Variants in ITGAM observed in about 807,000 individuals in gnomAD.
The protein encoded by ITGAM is integrin alpha-M.
Under a neutral mutation model 137.5 loss-of-function variants are expected in ITGAM, and 79 were observed. The ratio of observed to expected loss-of-function variants is 0.57; its 90% confidence interval spans 0.48 to 0.69. ITGAM has a LOEUF of 0.69. Ranked by LOEUF, ITGAM falls within the 30% of genes least tolerant of loss-of-function variation. The probability of loss-of-function intolerance (pLI) is 0.00; values close to 1 mark genes in which losing one functional copy is unlikely to be tolerated. For synonymous variants in ITGAM, 583 were observed against 592.3 expected, an observed-to-expected ratio of 0.98 and a Z score of 0.23; for missense variants, 1,343 against 1,483.5, an observed-to-expected ratio of 0.91 and a Z score of 1.56.
chr16:31,273,490 G>T lies in ITGAM; in HGVS notation c.830G>T (p.Arg277Ile). 1 of 1,613,790 alleles carries T rather than the reference G, an allele frequency of 6.2e-7. No individual in the cohort carries two copies. ...GYEDVIPEAD[R>I]EGVIRYVIGV... is the part of the protein sequence containing the mutation. ...GAGGATGTCATCCCTGAGGCAGACA[G>T]AGAGGGAGTCATTCGCTACGTCATT... The change falls in exon 8 of 30, where the codon AGA becomes ATA. Residue 277 changes from arginine to isoleucine, a missense_variant. Arg to Ile is a moderately conservative substitution (Grantham distance 97). Coordinates refer to ENST00000544665, the MANE Select transcript of ITGAM (RefSeq NM_000632.4).
At chr16:31,329,935 G>T (rs771287151) in intron 25 of ITGAM, 30 bp downstream of exon 25, 4 of 1,543,960 alleles carry the variant, frequency 2.6e-6, no homozygotes, top group East Asian at 2.4e-5. Flanking sequence ...ACTCCTGCAC[G>T]GCCCTGCGCG....
At chr16:31,270,430 T>C (rs7499192) in intron 5 of ITGAM, among the ~76,000 whole-genome samples, 110,360 of 151,478 alleles carry the variant, frequency 0.73, 41,385 homozygotes, top group African/African-American at 0.91. Flanking sequence ...TCTTCAAGAT[T>C]CAGTCAAACA....
At chr16:31,265,681 C>T in intron 3 of ITGAM, 130 bp from the exon 4 acceptor site, 2 of 843,980 alleles carry the variant, frequency 2.4e-6, no homozygotes, top group Non-Finnish European at 3.7e-6. Flanking sequence ...TCCTTTCTTT[C>T]CCAAGATTTA....
chr16:31,284,531 C>T (rs979837944), intron 12 of ITGAM, among the ~76,000 whole-genome samples: 14 of 152,148 alleles, frequency 9.2e-5, no homozygotes, highest in South Asian at 2.1e-4. Flanking sequence ...GAGCCAGACG[C>T]GGGATATAAT....
At chr16:31,302,327 C>T (rs1287360496) in intron 14 of ITGAM, among the ~76,000 whole-genome samples, 1 of 152,150 alleles carries the variant, frequency 6.6e-6, no homozygotes, top group Non-Finnish European at 1.5e-5. Context: ...CAATCTAGTG[C>T]TGTGAGGGCA....
At chr16:31,326,975 C>G (rs1212790240) in intron 22 of ITGAM, 40 bp downstream of exon 22, 1 of 1,459,666 alleles carries the variant, frequency 6.9e-7, no homozygotes. Flanking sequence ...AGTTGCCCGT[C>G]TGACGCCCCA....
chr16:31,324,144 TAGGAAAGGA>T lies in ITGAM; in HGVS notation c.2003-243_2003-235del, dbSNP rs1319147354. Among the ~76,000 whole-genome samples the T allele has an allele frequency of 2.8e-5, 2 of 71,844 alleles. No homozygotes were observed. The highest frequency in any genetic ancestry group is 5.6e-5 in the Non-Finnish European group (2 of 35,858). 47.1% of individuals were successfully genotyped at this position (71,844 alleles called of 152,430 possible). On this transcript the variant is annotated intron_variant, in intron 16 of 29. Coordinates refer to ENST00000544665, the MANE Select transcript of ITGAM (RefSeq NM_000632.4). This position sits in a 1 kb window ranked among gnomAD's most constrained non-coding sequence, Gnocchi z 4.5. Reference sequence around the variant, plus strand: ...AGGGAAGGAAGGAAAGGAAGGAAAGTAGGAAAGGAAGGAAAGGAAGAAAAGGAAGGAAGG... The same window carrying T: ...AGGGAAGGAAGGAAAGGAAGGAAAGTAGGAAAGGAAGAAAAGGAAGGAAGG...
intron 16 of ITGAM, among the ~76,000 whole-genome samples, chr16:31,323,779 G>A (rs766294772): frequency 4.6e-5 from 7 of 151,970 alleles, no homozygotes; most frequent in African/African-American, 1.2e-4. Flanking sequence ...TAATCCTAGC[G>A]CTTTGGGAGG....
At chr16:31,318,765 T>C (rs1351154272) in intron 14 of ITGAM, among the ~76,000 whole-genome samples, 2 of 152,234 alleles carry the variant, frequency 1.3e-5, no homozygotes, top group African/African-American at 4.8e-5. Flanking sequence ...ACTTTAGGTT[T>C]AGTTTGTTCT....
chr16:31,283,626 T>G (rs1289071842), intron 12 of ITGAM, among the ~76,000 whole-genome samples: 1 of 152,224 alleles, frequency 6.6e-6, no homozygotes, highest in African/African-American at 2.4e-5. Flanking sequence ...TCGTCTAATC[T>G]TTTTACAAGG....
At chr16:31,299,692 C>T (rs949745166) in intron 14 of ITGAM, among the ~76,000 whole-genome samples, 5 of 152,132 alleles carry the variant, frequency 3.3e-5, no homozygotes, top group Non-Finnish European at 5.9e-5. Context: ...CTTAGAATAA[C>T]GTCCTCCAGG....
chr16:31,282,903 G>A (rs2079985456), intron 12 of ITGAM, among the ~76,000 whole-genome samples: 2 of 152,128 alleles, frequency 1.3e-5, no homozygotes, highest in African/African-American at 2.4e-5. Flanking sequence ...AGCTCTTTTA[G>A]GGCAGGCCTG....
At chr16:31,295,914 A>C (rs932131953) in intron 12 of ITGAM, among the ~76,000 whole-genome samples, 4 of 151,640 alleles carry the variant, frequency 2.6e-5, no homozygotes, top group Non-Finnish European at 4.4e-5. Flanking sequence ...ATTTATTGAG[A>C]GTTTTTATTA....
chr16:31,284,840 G>A (rs558562952), intron 12 of ITGAM, among the ~76,000 whole-genome samples: 440 of 152,008 alleles, frequency 2.9e-3, no homozygotes, highest in African/African-American at 0.01. Context: ...GTTCCTATTC[G>A]GCCATCTTGG....
chr16:31,288,386 A>G (rs904810422), intron 12 of ITGAM, among the ~76,000 whole-genome samples: 2 of 152,160 alleles, frequency 1.3e-5, no homozygotes, highest in Non-Finnish European at 2.9e-5. Context: ...ACTATTGTAA[A>G]TTGTACTGGT....
At chr16:31,326,515 T>G (rs1468492710) in intron 21 of ITGAM, among the ~76,000 whole-genome samples, 1 of 152,166 alleles carries the variant, frequency 6.6e-6, no homozygotes, top group African/African-American at 2.4e-5. Context: ...CTCCCAGGTT[T>G]AAGCAATTCT....
At position 31,331,634 on chromosome 16, in the gene ITGAM, A is replaced by G. The variant is rs541436063; in HGVS notation, c.3388-2A>G. On this transcript the variant is annotated splice_acceptor_variant, in intron 29 of 29. Transcript: ENST00000544665. LOFTEE classifies it high-confidence loss of function. ...CTCTCACTGCCCTCCTCTGCCCCGC[A>G]GCTCGGCTTCTTCAAGCGGCAATAC... is the stretch of plus-strand genomic sequence containing the variant. 5 of 1,490,430 alleles carry G rather than the reference A, an allele frequency of 3.4e-6. No homozygotes were observed. The South Asian group carries it at 5.7e-5, about 17-fold the overall frequency. 92.3% of individuals were successfully genotyped at this position (1,490,430 alleles called of 1,614,324 possible).
At chr16:31,270,482 T>A (rs1370668459) in intron 5 of ITGAM, among the ~76,000 whole-genome samples, 1 of 150,458 alleles carries the variant, frequency 6.6e-6, no homozygotes. Flanking sequence ...TTAACGAAAA[T>A]TTTCCATACC....
At chr16:31,265,057 C>T (rs1487863270) in intron 2 of ITGAM, among the ~76,000 whole-genome samples, 3 of 151,822 alleles carry the variant, frequency 2.0e-5, no homozygotes, top group African/African-American at 4.8e-5. Flanking sequence ...TTAGTAGAGG[C>T]GGGGTTTCAC....
Sources: allele counts gnomAD v4.1 joint callset (sites outside exome capture counted in the v4.1 genomes callset), GRCh38; gene constraint gnomAD v4.1.1; non-coding constraint Gnocchi (gnomAD v3.1); transcripts MANE v1.5; gene names NCBI Gene and HGNC (gene_info 2026-07-23, HGNC 2026-07-21).